Variants in LGSN observed in about 807,000 individuals in gnomAD.
LGSN encodes the protein lengsin, lens protein with glutamine synthetase domain, also known as lengsin.
In LGSN, 21 loss-of-function variants were observed where a neutral mutation model predicts 19.5. That is an observed-to-expected ratio of 1.07 (90% CI 0.76 to 1.55). The LOEUF (loss-of-function observed/expected upper bound fraction) is 1.55, where lower values mean the gene tolerates loss of function less well. LGSN is among the 40% of genes most tolerant of loss of function. The pLI is 0.00. For synonymous variants in LGSN, 257 were observed against 215.6 expected, an observed-to-expected ratio of 1.19 and a Z score of -1.68; for missense variants, 673 against 608.5, an observed-to-expected ratio of 1.11 and a Z score of -1.12.
At chr6:63,383,647 C>T in the LGSN span, among the ~76,000 whole-genome samples, 2 of 151,934 alleles carry the variant, frequency 1.3e-5, no homozygotes, top group African/African-American at 4.8e-5. Flanking sequence ...TTGTGCTGGA[C>T]ACAGACAAGT....
chr6:63,547,368 T>G, the LGSN span, among the ~76,000 whole-genome samples: 1 of 151,046 alleles, frequency 6.6e-6, no homozygotes, highest in East Asian at 1.9e-4. Flanking sequence ...TTTTGTATTT[T>G]TAGTAGAGAT....
the LGSN span, among the ~76,000 whole-genome samples, chr6:63,554,255 C>T: frequency 6.6e-6 from 1 of 152,140 alleles, no homozygotes; most frequent in South Asian, 2.1e-4. Flanking sequence ...CTATTCTTGT[C>T]AAGCTTCTTG....
chr6:63,526,155 T>C, the LGSN span, among the ~76,000 whole-genome samples: 1 of 151,998 alleles, frequency 6.6e-6, no homozygotes, highest in African/African-American at 2.4e-5. Context: ...TGAAATCCCG[T>C]CTCCACTAAA....
the LGSN span, among the ~76,000 whole-genome samples, chr6:63,518,154 C>T: frequency 1.6e-5 from 1 of 62,112 alleles, no homozygotes; most frequent in African/African-American, 4.9e-5. Context: ...ACTCCGTCTC[C>T]AAAAAAAAAA....
the LGSN span, among the ~76,000 whole-genome samples, chr6:63,377,311 C>G: frequency 2.6e-5 from 4 of 152,254 alleles, no homozygotes; most frequent in Non-Finnish European, 4.4e-5. Flanking sequence ...AACAATCAAC[C>G]AGGCAATAGA....
At chr6:63,307,610 C>T (rs750692396) in intron 1 of LGSN, among the ~76,000 whole-genome samples, 10 of 152,186 alleles carry the variant, frequency 6.6e-5, no homozygotes, top group Non-Finnish European at 1.3e-4. Flanking sequence ...AATATTTGAC[C>T]ATTTATCAAG....
chr6:63,523,595 A>G, the LGSN span, among the ~76,000 whole-genome samples: 7 of 152,210 alleles, frequency 4.6e-5, no homozygotes, highest in Admixed American at 3.9e-4. Flanking sequence ...TTCCATGTCA[A>G]TCTACTATAA....
chr6:63,449,313 G>A, the LGSN span, among the ~76,000 whole-genome samples: 2 of 152,066 alleles, frequency 1.3e-5, no homozygotes, highest in East Asian at 1.9e-4. Flanking sequence ...TTGGGAGGCC[G>A]AGGCGGGCGG....
chr6:63,356,814 GTAAGTTAAAAT>G, the LGSN span, among the ~76,000 whole-genome samples: 1 of 152,004 alleles, frequency 6.6e-6, no homozygotes, highest in Non-Finnish European at 1.5e-5. Context: ...ACAAAGAAAT[GTAAGTTAAAAT>G]CACAACCCCC....
chr6:63,363,088 T>G, the LGSN span, among the ~76,000 whole-genome samples: 3 of 152,244 alleles, frequency 2.0e-5, no homozygotes, highest in African/African-American at 7.2e-5. Context: ...AAACAGGGTC[T>G]GGAGTGGACC....
At chr6:63,430,937 T>C in the LGSN span, among the ~76,000 whole-genome samples, 2 of 152,168 alleles carry the variant, frequency 1.3e-5, no homozygotes, top group African/African-American at 2.4e-5. Context: ...AATTAAGAGC[T>C]GTTTAAAAAG....
At chr6:63,313,559 G>A (rs1386102932) in intron 1 of LGSN, among the ~76,000 whole-genome samples, 1 of 152,134 alleles carries the variant, frequency 6.6e-6, no homozygotes. Flanking sequence ...AGACAGCCAG[G>A]CACAGTGGCT....
the LGSN span, among the ~76,000 whole-genome samples, chr6:63,438,586 C>T: frequency 2.0e-5 from 3 of 151,650 alleles, no homozygotes; most frequent in African/African-American, 4.8e-5. Flanking sequence ...TTTATGCAGC[C>T]AAAAAACACA....
the LGSN span, among the ~76,000 whole-genome samples, chr6:63,419,240 G>A: frequency 1.3e-5 from 2 of 152,218 alleles, no homozygotes; most frequent in East Asian, 1.9e-4. Context: ...AATGGTCAGG[G>A]TTTTTAGTTG....
chr6:63,509,069 T>C, the LGSN span, among the ~76,000 whole-genome samples: 27 of 151,118 alleles, frequency 1.8e-4, no homozygotes, highest in Non-Finnish European at 2.5e-4. Context: ...AGGAAAAAAA[T>C]TTTCTTTTTT....
the LGSN span, among the ~76,000 whole-genome samples, chr6:63,458,318 C>G: frequency 6.6e-6 from 1 of 152,152 alleles, no homozygotes; most frequent in African/African-American, 2.4e-5. Context: ...CCACCCACCT[C>G]GGCCTCCCAA....
the LGSN span, among the ~76,000 whole-genome samples, chr6:63,391,789 A>G: frequency 6.6e-6 from 1 of 152,182 alleles, no homozygotes; most frequent in Non-Finnish European, 1.5e-5. Flanking sequence ...TTGCTGGTCC[A>G]GAAAAGCAGA....
the LGSN span, among the ~76,000 whole-genome samples, chr6:63,520,447 C>T: frequency 9.9e-5 from 15 of 151,840 alleles, no homozygotes; most frequent in African/African-American, 3.4e-4. Context: ...GCCAATGTGG[C>T]AAAACCCCAT....
At chr6:63,436,919 C>T in the LGSN span, among the ~76,000 whole-genome samples, 1 of 151,896 alleles carries the variant, frequency 6.6e-6, no homozygotes, top group African/African-American at 2.4e-5. Flanking sequence ...CACCTGTAAT[C>T]CCAGCTACTC....
Sources: allele counts gnomAD v4.1 joint callset (sites outside exome capture counted in the v4.1 genomes callset), GRCh38; gene constraint gnomAD v4.1.1; transcripts MANE v1.5; gene names NCBI Gene and HGNC (gene_info 2026-07-23, HGNC 2026-07-21).